The following PLXDC2 variants were observed in gnomAD, a reference collection of about 807,000 sequenced individuals.
PLXDC2 encodes the protein plexin domain-containing protein 2.
In PLXDC2, 40 loss-of-function variants were observed where a neutral mutation model predicts 68.9. The observed-to-expected ratio is 0.58, with a 90% confidence interval of 0.45 to 0.76. The LOEUF is 0.76. Among genes scored for constraint, PLXDC2 ranks in the 30% least tolerant of loss-of-function variants. PLXDC2 has a pLI of 0.00. For missense variants in PLXDC2, 644 were observed against 661.9 expected, an observed-to-expected ratio of 0.97 and a Z score of 0.30; for synonymous variants, 243 against 234.2, an observed-to-expected ratio of 1.04 and a Z score of -0.34.
chr10:20,233,620 G>A (rs1472709657), intron 12 of PLXDC2, among the ~76,000 whole-genome samples: 5 of 152,168 alleles, frequency 3.3e-5, no homozygotes, highest in Admixed American at 1.3e-4. Flanking sequence ...TCTAAGGAAT[G>A]TAGCTGGTCT....
chr10:19,828,046 A>G (rs905985264), intron 1 of PLXDC2, among the ~76,000 whole-genome samples: 2 of 152,196 alleles, frequency 1.3e-5, no homozygotes, highest in African/African-American at 4.8e-5. Context: ...AAGGGAAGGA[A>G]ATGTTAATAC....
At position 19,816,971 on chromosome 10, in the gene PLXDC2, C is replaced by T; in HGVS notation, c.-109C>T. 1 of 746,606 alleles carries T rather than the reference C, an allele frequency of 1.3e-6. No homozygotes were observed. Among genetic ancestry groups the T allele is most frequent in the South Asian group, 1.7e-5 (1 of 58,712 alleles). 46.2% of individuals were successfully genotyped at this position (746,606 alleles called of 1,614,324 possible). On this transcript the variant is annotated 5_prime_UTR_variant, in exon 1 of 14. Transcript: ENST00000377252. ...GCGACATTTACAAAGGCCTCCGGGT[C>T]CTACCGAGACCGATCCGCAGCGTTT... is the stretch of plus-strand genomic sequence containing the variant.
At position 20,046,949 on chromosome 10, in the gene PLXDC2, A is replaced by G. The variant is rs750994706; in HGVS notation, c.405A>G (p.Ile135Met). The change falls in exon 3 of 14, where the codon ATA (isoleucine) becomes ATG (methionine). Residue 135 changes from isoleucine to methionine, a missense_variant. This residue lies in a region of PLXDC2 where 113 missense variants were observed against 167.1 expected (regional missense o/e 0.68). Transcript: ENST00000377252. ...CCAGCCGGGATTTATGGGTGAACATAGACCAAATGGAAAAAGATAAAGTGA... is the reference window on the plus strand; with the variant it reads ...CCAGCCGGGATTTATGGGTGAACATGGACCAAATGGAAAAAGATAAAGTGA... Reference protein sequence around the residue: ...DSASRDLWVNIDQMEKDKVKI... With the variant: ...DSASRDLWVNMDQMEKDKVKI... The G allele has an allele frequency of 9.3e-6, 15 of 1,612,650 alleles. No individual in the cohort carries two copies. The East Asian group carries it at 2.9e-4, about 31-fold the overall frequency.
At chr10:19,924,297 T>C (rs1485560655) in intron 1 of PLXDC2, among the ~76,000 whole-genome samples, 3 of 152,170 alleles carry the variant, frequency 2.0e-5, no homozygotes, top group African/African-American at 4.8e-5. Context: ...GACCAGGCTC[T>C]AGGCTTCTTG....
intron 1 of PLXDC2, among the ~76,000 whole-genome samples, chr10:19,967,314 A>C (rs10827912): frequency 0.63 from 95,824 of 151,892 alleles, 31,552 homozygotes; most frequent in South Asian, 0.86. Context: ...TAGAACACAG[A>C]AAGATGGTAA....
At chr10:19,994,886 G>T (rs1166901544) in intron 1 of PLXDC2, among the ~76,000 whole-genome samples, 1 of 151,988 alleles carries the variant, frequency 6.6e-6, no homozygotes, top group Non-Finnish European at 1.5e-5. Context: ...GGGATTACAG[G>T]TGTGCACCAC....
intron 1 of PLXDC2, among the ~76,000 whole-genome samples, chr10:19,874,531 A>G (rs113947023): frequency 0.02 from 3,016 of 152,320 alleles, 50 homozygotes; most frequent in Middle Eastern, 0.085. Flanking sequence ...CCCTGCCCTC[A>G]GTGGACTGTA....
intron 9 of PLXDC2, among the ~76,000 whole-genome samples, chr10:20,209,846 T>G (rs1835045211): frequency 1.3e-5 from 2 of 152,158 alleles, no homozygotes; most frequent in Non-Finnish European, 2.9e-5. Flanking sequence ...ACAAGGGTAT[T>G]GACTGGGGAG....
At chr10:20,056,983 C>A (rs1239209574) in intron 3 of PLXDC2, among the ~76,000 whole-genome samples, 1 of 152,016 alleles carries the variant, frequency 6.6e-6, no homozygotes, top group Non-Finnish European at 1.5e-5. Flanking sequence ...AAAGGGAGAC[C>A]CCTGAACCAT....
intron 13 of PLXDC2, among the ~76,000 whole-genome samples, chr10:20,246,934 G>T (rs1448828042): frequency 6.6e-6 from 1 of 152,034 alleles, no homozygotes; most frequent in African/African-American, 2.4e-5. Context: ...TCAAACAATT[G>T]CTTAAATGTC....
intron 1 of PLXDC2, among the ~76,000 whole-genome samples, chr10:19,862,952 G>A (rs10508597): frequency 6.6e-6 from 1 of 151,944 alleles, no homozygotes; most frequent in Admixed American, 6.6e-5. Context: ...GAAGAGCTTC[G>A]TATAATACAT....
At chr10:19,841,648 T>G (rs1836909787) in intron 1 of PLXDC2, among the ~76,000 whole-genome samples, 1 of 151,876 alleles carries the variant, frequency 6.6e-6, no homozygotes, top group Non-Finnish European at 1.5e-5. Context: ...GTGCCTTTCT[T>G]TCTTCATTTG....
chr10:19,864,523 AT>A (rs954852730), intron 1 of PLXDC2, among the ~76,000 whole-genome samples: 16 of 152,216 alleles, frequency 1.1e-4, no homozygotes, highest in East Asian at 9.6e-4. Flanking sequence ...AACAATTTAA[AT>A]TTTTTTTATC....
chr10:20,025,258 G>T lies in PLXDC2; in HGVS notation c.325-21611G>T, dbSNP rs920709891. ...CTTTGCAACCTAGCCAGCATCTATT[G>T]TTTTTTCGACTTTTTTTTTTTTTTG... On this transcript the variant is annotated intron_variant, in intron 2 of 13. Coordinates refer to ENST00000377252, the MANE Select transcript of PLXDC2 (RefSeq NM_032812.9). 1.9e-4 allele frequency among the ~76,000 whole-genome samples: 21 copies of T among 111,268 alleles called. No individual in the cohort carries two copies. In the East Asian group the frequency reaches 6.0e-3, roughly 32 times the overall value. 73.0% of individuals were successfully genotyped at this position (111,268 alleles called of 152,430 possible).
intron 9 of PLXDC2, among the ~76,000 whole-genome samples, chr10:20,189,524 T>TACAC (rs1299928015): frequency 4.6e-5 from 4 of 86,718 alleles, no homozygotes; most frequent in East Asian, 3.7e-4. Context: ...CACACATATA[T>TACAC]ATACACACAC....
intron 1 of PLXDC2, among the ~76,000 whole-genome samples, chr10:19,984,459 A>G (rs1834602800): frequency 6.6e-6 from 1 of 152,142 alleles, no homozygotes; most frequent in Admixed American, 6.5e-5. Flanking sequence ...TGTAAACAGT[A>G]CACTTGAAAA....
chr10:20,083,962 A>C (rs1833153577), intron 4 of PLXDC2, among the ~76,000 whole-genome samples: 1 of 152,234 alleles, frequency 6.6e-6, no homozygotes. Flanking sequence ...AAGTATCCCC[A>C]TTTAATTAAC....
chr10:20,238,675 ATG>A (rs1564363468), intron 12 of PLXDC2, among the ~76,000 whole-genome samples: 6 of 128,752 alleles, frequency 4.7e-5, no homozygotes, highest in Non-Finnish European at 6.4e-5. Context: ...ATATATATAT[ATG>A]TATATATATA....
rs1836178356 is a variant in PLXDC2 at position 20,287,907 on chromosome 10, T to C, written c.*8088T>C. On this transcript the variant is annotated 3_prime_UTR_variant, in exon 14 of 14. Coordinates refer to ENST00000377252, the MANE Select transcript of PLXDC2 (RefSeq NM_032812.9). Reference sequence around the variant, plus strand: ...CGAATGCCAGGAATTTACTACTGTTTCTGGTAATTCTGTGTGTAGTCATTT... The same window carrying C: ...CGAATGCCAGGAATTTACTACTGTTCCTGGTAATTCTGTGTGTAGTCATTT... 2 of 143,808 alleles carry C rather than the reference T, an allele frequency of 1.4e-5. No homozygotes were observed. Among genetic ancestry groups the C allele is most frequent in the South Asian group, 2.1e-4 (1 of 4,652 alleles). 8.9% of individuals were successfully genotyped at this position (143,808 alleles called of 1,614,324 possible). A position where few individuals can be genotyped will look rare whatever the true frequency, so the allele number is the denominator to read the frequency against.
Sources: gnomAD v4.1 joint callset for allele counts (sites outside exome capture counted in the v4.1 genomes callset) on GRCh38, gnomAD v4.1.1 for gene constraint, gnomAD v4.1.1 regional missense constraint, MANE v1.5 for transcripts, NCBI Gene and HGNC (gene_info 2026-07-23, HGNC 2026-07-21) for gene names.